ANO2: variants seen among roughly 807,000 people sequenced by gnomAD.
ANO2 encodes anoctamin-2.
Under a neutral mutation model 124.2 loss-of-function variants are expected in ANO2, and 101 were observed. That is an observed-to-expected ratio of 0.81 (90% CI 0.69 to 0.96). The LOEUF (loss-of-function observed/expected upper bound fraction) is 0.96. ANO2 is among the 40% of genes least tolerant of loss of function. The pLI is 0.00. For missense variants in ANO2, 1,293 were observed against 1,274.5 expected, an observed-to-expected ratio of 1.01 and a Z score of -0.22; for synonymous variants, 486 against 482.5, an observed-to-expected ratio of 1.01 and a Z score of -0.09.
At chr12:5,701,191 T>C (rs1949393309) in intron 14 of ANO2, among the ~76,000 whole-genome samples, 1 of 150,278 alleles carries the variant, frequency 6.7e-6, no homozygotes, top group African/African-American at 2.4e-5. Flanking sequence ...TCCTCATCTC[T>C]GAAAAGCGGG....
Position 5,837,162 on chromosome 12 carries a change from C to T in ANO2, c.634-4559G>A, listed in dbSNP as rs540395729. On this transcript the variant is annotated intron_variant, in intron 4 of 24. Transcript: ENST00000682330. ...GCCTCTGATAGGCCAAAAGCCTCCCCCTCCTGCCCCTACCAAGTGCAAAGG... is the reference window on the plus strand; with the variant it reads ...GCCTCTGATAGGCCAAAAGCCTCCCTCTCCTGCCCCTACCAAGTGCAAAGG... 1.5e-3 allele frequency among the ~76,000 whole-genome samples: 228 copies of T among 152,316 alleles called. 1 individual carries two copies. The highest frequency in any genetic ancestry group is 5.1e-3 in the African/African-American group (212 of 41,562).
chr12:5,820,854 T>C (rs139109350), intron 7 of ANO2, among the ~76,000 whole-genome samples: 6 of 152,366 alleles, frequency 3.9e-5, no homozygotes, highest in South Asian at 2.1e-4. Flanking sequence ...TGTGGTTTCA[T>C]TGCTTGAGCA....
intron 14 of ANO2, among the ~76,000 whole-genome samples, chr12:5,664,645 C>G (rs1305371003): frequency 2.6e-5 from 4 of 152,166 alleles, no homozygotes; most frequent in Non-Finnish European, 5.9e-5. Flanking sequence ...TAATTCCAAT[C>G]GTATGTTCTT....
chr12:5,768,022 C>T (rs1398352427), intron 10 of ANO2, among the ~76,000 whole-genome samples: 2 of 152,152 alleles, frequency 1.3e-5, no homozygotes, highest in Non-Finnish European at 2.9e-5. Context: ...GTCTGTGTAC[C>T]GAGATGTGTC....
intron 14 of ANO2, among the ~76,000 whole-genome samples, chr12:5,684,391 T>A (rs1948621946): frequency 6.6e-6 from 1 of 152,152 alleles, no homozygotes. Context: ...CATGGAGAAG[T>A]CGATCATGCA....
At chr12:5,735,760 C>G (rs889093939) in intron 13 of ANO2, among the ~76,000 whole-genome samples, 1 of 152,050 alleles carries the variant, frequency 6.6e-6, no homozygotes, top group African/African-American at 2.4e-5. Context: ...GGAATGAGCT[C>G]GAGACAGAAT....
chr12:5,912,407 C>T (rs1941107990), intron 3 of ANO2, among the ~76,000 whole-genome samples: 1 of 152,226 alleles, frequency 6.6e-6, no homozygotes. Flanking sequence ...ACATTAGCTG[C>T]TCTAACCTCC....
intron 3 of ANO2, among the ~76,000 whole-genome samples, chr12:5,887,162 T>A (rs1938977354): frequency 6.6e-6 from 1 of 152,170 alleles, no homozygotes; most frequent in Admixed American, 6.5e-5. Context: ...GTGATCATAA[T>A]TAAAACTTAG....
At chr12:5,607,402 AGTTTT>A (rs1448193480) in intron 19 of ANO2, among the ~76,000 whole-genome samples, 1 of 151,164 alleles carries the variant, frequency 6.6e-6, no homozygotes, top group East Asian at 1.9e-4. Flanking sequence ...TTTTTAGTTT[AGTTTT>A]GTTTTAACGT....
At chr12:5,717,924 G>A (rs1950080950) in intron 14 of ANO2, among the ~76,000 whole-genome samples, 1 of 152,112 alleles carries the variant, frequency 6.6e-6, no homozygotes, top group Non-Finnish European at 1.5e-5. Flanking sequence ...AATCTCACTT[G>A]GGCTGCCCCA....
At chr12:5,566,818 G>A (rs756620637) in intron 23 of ANO2, among the ~76,000 whole-genome samples, 2 of 152,178 alleles carry the variant, frequency 1.3e-5, no homozygotes, top group East Asian at 1.9e-4. Context: ...GTAGGAATGC[G>A]AGTCTGGCTG....
At chr12:5,597,585 C>T (rs11063774) in intron 20 of ANO2, among the ~76,000 whole-genome samples, 50,359 of 152,040 alleles carry the variant, frequency 0.33, 8,503 homozygotes, top group Admixed American at 0.4. Context: ...CTCTAATCAC[C>T]CAAAAGAGGA....
chr12:5,879,436 G>A (rs910468884), intron 3 of ANO2, among the ~76,000 whole-genome samples: 6 of 152,326 alleles, frequency 3.9e-5, no homozygotes, highest in East Asian at 1.9e-4. Flanking sequence ...TCATAAGCAC[G>A]TGCTAAGTAA....
chr12:5,591,851 C>T (rs1431321376), intron 20 of ANO2, among the ~76,000 whole-genome samples: 1 of 152,180 alleles, frequency 6.6e-6, no homozygotes, highest in Non-Finnish European at 1.5e-5. Context: ...GCAGTGCAGA[C>T]ACCACAGCGC....
At chr12:5,856,598 G>T (rs1207671306) in intron 3 of ANO2, 1 of 152,122 alleles carries the variant, frequency 6.6e-6, no homozygotes, top group African/African-American at 2.4e-5. Context: ...GGTGCTTTTT[G>T]CCCCGTCATT....
chr12:5,751,732 G>A (rs1951447280), intron 10 of ANO2, among the ~76,000 whole-genome samples: 1 of 150,176 alleles, frequency 6.7e-6, no homozygotes, highest in African/African-American at 2.5e-5. Flanking sequence ...TGTGTTAAGA[G>A]CAATTAATGT....
intron 10 of ANO2, among the ~76,000 whole-genome samples, chr12:5,776,702 T>G (rs945560149): frequency 6.6e-6 from 1 of 152,238 alleles, no homozygotes; most frequent in Non-Finnish European, 1.5e-5. Flanking sequence ...AGCTTTCTCT[T>G]AGCATATTTT....
intron 20 of ANO2, among the ~76,000 whole-genome samples, chr12:5,590,448 A>C (rs151226389): frequency 2.0e-5 from 3 of 152,330 alleles, no homozygotes; most frequent in African/African-American, 7.2e-5. Context: ...GGGGCCATTA[A>C]TGTGGCACAG....
chr12:5,687,296 C>T (rs556706757), intron 14 of ANO2, among the ~76,000 whole-genome samples: 2 of 152,376 alleles, frequency 1.3e-5, no homozygotes, highest in East Asian at 3.9e-4. Context: ...CCACCTCGTC[C>T]TGTGCCTGGT....
Sources: allele counts gnomAD v4.1 joint callset (sites outside exome capture counted in the v4.1 genomes callset), GRCh38; gene constraint gnomAD v4.1.1; transcripts MANE v1.5; gene names NCBI Gene and HGNC (gene_info 2026-07-23, HGNC 2026-07-21).